The following VAV3 variants were observed in gnomAD, a reference collection of about 807,000 sequenced individuals.
VAV3 encodes guanine nucleotide exchange factor VAV3.
In VAV3, 94 loss-of-function variants were observed where a neutral mutation model predicts 131.2. The observed-to-expected ratio is 0.72, with a 90% CI of 0.61 to 0.85. The LOEUF is 0.85. Ranked by LOEUF, VAV3 falls within the 40% of genes least tolerant of loss-of-function variation. The pLI, the probability that VAV3 is intolerant of heterozygous loss-of-function variation, is 0.00. For synonymous variants in VAV3, 349 were observed against 342.0 expected, an observed-to-expected ratio of 1.02 and a Z score of -0.22; for missense variants, 939 against 1,002.7, an observed-to-expected ratio of 0.94 and a Z score of 0.86.
At chr1:107,585,835 C>T (rs907241791) in intron 25 of VAV3, among the ~76,000 whole-genome samples, 1 of 152,200 alleles carries the variant, frequency 6.6e-6, no homozygotes, top group Non-Finnish European at 1.5e-5. Flanking sequence ...AAATGCTCTA[C>T]ACACACTGTA....
At chr1:107,591,175 G>T (rs1420430550) in intron 25 of VAV3, among the ~76,000 whole-genome samples, 1 of 152,062 alleles carries the variant, frequency 6.6e-6, no homozygotes, top group Non-Finnish European at 1.5e-5. Flanking sequence ...AGTTTAGCCT[G>T]ACTGTCACTT....
chr1:107,858,067 A>T (rs1669555175), intron 2 of VAV3, among the ~76,000 whole-genome samples: 1 of 152,228 alleles, frequency 6.6e-6, no homozygotes, highest in East Asian at 1.9e-4. Context: ...AATAAAGAAT[A>T]TGCTTATACA....
intron 11 of VAV3, among the ~76,000 whole-genome samples, chr1:107,755,946 T>C (rs955154572): frequency 6.6e-6 from 1 of 152,198 alleles, no homozygotes; most frequent in Non-Finnish European, 1.5e-5. Context: ...AGATAATGAA[T>C]CTAGCAAGAC....
intron 24 of VAV3, among the ~76,000 whole-genome samples, chr1:107,597,250 A>G (rs1651472997): frequency 6.6e-6 from 1 of 151,846 alleles, no homozygotes; most frequent in African/African-American, 2.4e-5. Context: ...CAGAAAAAAA[A>G]ACCACTTGTT....
intron 1 of VAV3, among the ~76,000 whole-genome samples, chr1:107,931,578 A>T (rs1673440360): frequency 6.6e-6 from 1 of 152,250 alleles, no homozygotes; most frequent in Admixed American, 6.5e-5. Flanking sequence ...GACTATTCAA[A>T]TGATACAGAT....
At chr1:107,898,547 C>T (rs1220764406) in intron 1 of VAV3, among the ~76,000 whole-genome samples, 1 of 152,128 alleles carries the variant, frequency 6.6e-6, no homozygotes, top group African/African-American at 2.4e-5. Flanking sequence ...TACATTATTA[C>T]CATAAAGATG....
intron 19 of VAV3, among the ~76,000 whole-genome samples, chr1:107,648,694 C>T (rs1655922448): frequency 2.0e-5 from 3 of 152,040 alleles, no homozygotes; most frequent in African/African-American, 7.2e-5. Context: ...TTATTTGTCA[C>T]ATTATAAAAC....
At chr1:107,751,964 G>A (rs771116033) in intron 12 of VAV3, among the ~76,000 whole-genome samples, 11 of 152,128 alleles carry the variant, frequency 7.2e-5, no homozygotes, top group Non-Finnish European at 1.3e-4. Context: ...TCCCAGTGAT[G>A]TTTTCTGCAC....
intron 17 of VAV3, among the ~76,000 whole-genome samples, chr1:107,699,181 G>A (rs1182481181): frequency 6.6e-6 from 1 of 152,192 alleles, no homozygotes; most frequent in South Asian, 2.1e-4. Context: ...CCAACTATGA[G>A]CCAGTAAAAT....
chr1:107,907,340 A>C (rs1055370901), intron 1 of VAV3, among the ~76,000 whole-genome samples: 1 of 152,244 alleles, frequency 6.6e-6, no homozygotes, highest in Non-Finnish European at 1.5e-5. Flanking sequence ...AATTCTAAAG[A>C]GCCATTCAAA....
At chr1:107,825,907 C>T (rs1373679322) in intron 2 of VAV3, among the ~76,000 whole-genome samples, 4 of 152,176 alleles carry the variant, frequency 2.6e-5, no homozygotes, top group African/African-American at 9.7e-5. Flanking sequence ...TTTATCTACA[C>T]ATTTACTATA....
At chr1:107,726,550 G>A (rs1661853287) in intron 15 of VAV3, among the ~76,000 whole-genome samples, 1 of 149,544 alleles carries the variant, frequency 6.7e-6, no homozygotes, top group Non-Finnish European at 1.5e-5. Context: ...ACATCAAAAA[G>A]CCTTCTTCAC....
chr1:107,835,961 C>T (rs1380332645), intron 2 of VAV3, among the ~76,000 whole-genome samples: 1 of 152,202 alleles, frequency 6.6e-6, no homozygotes, highest in African/African-American at 2.4e-5. Flanking sequence ...TTAGGACATT[C>T]CTTAGGGCTA....
intron 1 of VAV3, among the ~76,000 whole-genome samples, chr1:107,889,910 G>T (rs934494563): frequency 6.6e-6 from 1 of 152,134 alleles, no homozygotes; most frequent in South Asian, 2.1e-4. Context: ...GTGAACATTT[G>T]TCTCAAAGAA....
At chr1:107,881,103 A>T (rs1670751548) in intron 1 of VAV3, among the ~76,000 whole-genome samples, 1 of 152,132 alleles carries the variant, frequency 6.6e-6, no homozygotes, top group African/African-American at 2.4e-5. Flanking sequence ...TGTTATATTA[A>T]CTCCATTTTT....
intron 17 of VAV3, 32 bp from the exon 18 acceptor site, chr1:107,688,438 T>C (rs748627888): frequency 3.1e-6 from 5 of 1,613,138 alleles, no homozygotes; most frequent in Non-Finnish European, 4.2e-6. Context: ...GCATTGTCAG[T>C]GTAAAGTTAT....
intron 1 of VAV3, among the ~76,000 whole-genome samples, chr1:107,903,694 T>C (rs1389848567): frequency 6.6e-6 from 1 of 152,194 alleles, no homozygotes; most frequent in Non-Finnish European, 1.5e-5. Flanking sequence ...CTCCCCTTTA[T>C]ATTTGTTGAA....
intron 18 of VAV3, among the ~76,000 whole-genome samples, 188 bp from the exon 19 acceptor site, chr1:107,683,721 G>A (rs112202412): frequency 7.8e-4 from 119 of 152,198 alleles, no homozygotes; most frequent in African/African-American, 2.5e-3. Context: ...AGTCTTCCAC[G>A]TGTATATCAT....
intron 1 of VAV3, among the ~76,000 whole-genome samples, chr1:107,935,855 C>T (rs1364110474): frequency 6.6e-6 from 1 of 152,064 alleles, no homozygotes; most frequent in African/African-American, 2.4e-5. Context: ...ATGAAAGAAA[C>T]CATGGTATAT....
Sources: gnomAD v4.1 joint callset for allele counts (sites outside exome capture counted in the v4.1 genomes callset) on GRCh38, gnomAD v4.1.1 for gene constraint, MANE v1.5 for transcripts, NCBI Gene and HGNC (gene_info 2026-07-23, HGNC 2026-07-21) for gene names.